The following SPATA17 variants were observed in gnomAD, a reference collection of about 807,000 sequenced individuals.
The protein encoded by SPATA17 is spermatogenesis associated 17.
In SPATA17, 53 loss-of-function variants were observed where a neutral mutation model predicts 62.2. The ratio of observed to expected loss-of-function variants is 0.85; its 90% CI spans 0.68 to 1.07. The LOEUF is 1.07. Ranked by LOEUF, SPATA17 falls within the 50% of genes least tolerant of loss-of-function variation. SPATA17 has a pLI of 0.00. For missense variants in SPATA17, 466 were observed against 425.5 expected (o/e 1.10, Z -0.84); for synonymous variants, 146 against 146.8 (o/e 0.99, Z 0.04).
intron 6 of SPATA17, among the ~76,000 whole-genome samples, chr1:217,761,772 G>A (rs1270698511): frequency 6.6e-6 from 1 of 152,284 alleles, no homozygotes; most frequent in South Asian, 2.1e-4. Flanking sequence ...TGTAAAGAGA[G>A]AATTGTTTAG....
At chr1:217,788,048 G>A (rs934391862) in intron 8 of SPATA17, among the ~76,000 whole-genome samples, 3 of 152,048 alleles carry the variant, frequency 2.0e-5, no homozygotes, top group Non-Finnish European at 4.4e-5. Context: ...AGGCCATAAT[G>A]GTACCAGAGC....
intron 5 of SPATA17, among the ~76,000 whole-genome samples, chr1:217,703,402 C>G (rs1292846926): frequency 6.8e-6 from 1 of 147,980 alleles, no homozygotes; most frequent in Admixed American, 6.7e-5. Context: ...GAGCTCCTGA[C>G]CTCAGGTGAT....
chr1:217,636,395 ATTATTATTATTGAC>A (rs1669941322), intron 1 of SPATA17, among the ~76,000 whole-genome samples: 1 of 151,794 alleles, frequency 6.6e-6, no homozygotes, highest in African/African-American at 2.4e-5. Flanking sequence ...CAAAATTATT[ATTATTATTATTGAC>A]TTATTATTAT....
At chr1:217,814,159 T>C (rs1033193418) in intron 9 of SPATA17, among the ~76,000 whole-genome samples, 3 of 152,208 alleles carry the variant, frequency 2.0e-5, no homozygotes, top group Admixed American at 6.5e-5. Flanking sequence ...ATCATTAACC[T>C]AAGGGCACAA....
At chr1:217,836,610 G>C (rs1321773792) in intron 9 of SPATA17, among the ~76,000 whole-genome samples, 1 of 152,114 alleles carries the variant, frequency 6.6e-6, no homozygotes, top group Non-Finnish European at 1.5e-5. Flanking sequence ...TTATTTTCAT[G>C]CCACATGATT....
intron 8 of SPATA17, among the ~76,000 whole-genome samples, chr1:217,791,727 A>G (rs953786413): frequency 1.3e-5 from 2 of 152,236 alleles, no homozygotes; most frequent in Non-Finnish European, 2.9e-5. Flanking sequence ...TTTATGTGGT[A>G]GAGACATTCA....
At chr1:217,742,965 TA>T (rs1156453764) in intron 6 of SPATA17, among the ~76,000 whole-genome samples, 4 of 150,858 alleles carry the variant, frequency 2.7e-5, no homozygotes. Flanking sequence ...TATATATATA[TA>T]TATTAAATCC....
chr1:217,858,887 G>T (rs1474685165), intron 9 of SPATA17, among the ~76,000 whole-genome samples: 1 of 151,836 alleles, frequency 6.6e-6, no homozygotes, highest in African/African-American at 2.4e-5. Flanking sequence ...AATTAGCCAG[G>T]CGTGGTGATG....
rs184242168 is a variant in SPATA17 at position 217,815,229 on chromosome 1, T to C, written c.1005+13379T>C. On this transcript the variant is annotated intron_variant, in intron 9 of 10. Transcript: ENST00000366933. The stretch of plus-strand genomic sequence containing the variant: ...GACCCCAAATGACTGGAAATATGAA[T>C]AGGAAATATACATTATGCCTTAGAA... Among the ~76,000 whole-genome samples the C allele has an allele frequency of 6.5e-3, 990 of 152,242 alleles. 3 individuals carry two copies. Among genetic ancestry groups the C allele is most frequent in the Middle Eastern group, 0.017 (5 of 294 alleles).
At chr1:217,813,462 A>G (rs1488889906) in intron 9 of SPATA17, among the ~76,000 whole-genome samples, 1 of 152,340 alleles carries the variant, frequency 6.6e-6, no homozygotes, top group Middle Eastern at 3.4e-3. Context: ...CCAGCTTCAT[A>G]TAATTTTAAG....
intron 9 of SPATA17, among the ~76,000 whole-genome samples, chr1:217,806,556 CA>C (rs1411789336): frequency 6.6e-6 from 1 of 152,170 alleles, no homozygotes. Context: ...GCTTTCTCTG[CA>C]CTATTTACTT....
chr1:217,826,613 G>T (rs1675007386), intron 9 of SPATA17, among the ~76,000 whole-genome samples: 1 of 151,968 alleles, frequency 6.6e-6, no homozygotes, highest in Admixed American at 6.6e-5. Flanking sequence ...CATAGTGAGG[G>T]TTGGTATTTT....
chr1:217,725,844 A>G (rs1305389337), intron 5 of SPATA17, among the ~76,000 whole-genome samples: 1 of 152,170 alleles, frequency 6.6e-6, no homozygotes, highest in East Asian at 1.9e-4. Context: ...TCTTCTTGTA[A>G]AGGAATGTCT....
chr1:217,762,759 G>T (rs769263968), intron 6 of SPATA17, among the ~76,000 whole-genome samples: 1 of 152,198 alleles, frequency 6.6e-6, no homozygotes, highest in African/African-American at 2.4e-5. Flanking sequence ...ATCACCTGAG[G>T]TCAGGAGTTT....
intron 5 of SPATA17, among the ~76,000 whole-genome samples, chr1:217,698,540 C>A (rs539245126): frequency 6.6e-6 from 1 of 150,994 alleles, no homozygotes; most frequent in Non-Finnish European, 1.5e-5. Context: ...AAAAAGTTAG[C>A]CTTTGCCTTT....
At chr1:217,660,985 C>CT (rs1279019061) in intron 3 of SPATA17, among the ~76,000 whole-genome samples, 7 of 152,044 alleles carry the variant, frequency 4.6e-5, no homozygotes, top group African/African-American at 1.7e-4. Flanking sequence ...GTGGTGGTAT[C>CT]TTGTAAGGCG....
rs142304611 is a variant in SPATA17 at position 217,651,440 on chromosome 1, C to G, written c.240+262C>G. Among the ~76,000 whole-genome samples, 1,075 of 152,276 alleles carry G rather than the reference C, an allele frequency of 7.1e-3. 11 individuals are homozygous for G. Among genetic ancestry groups the G allele is most frequent in the African/African-American group, 0.025 (1,022 of 41,562 alleles). ...GTACTTTTCACAGTATGCATTTATA[C>G]TTATTTATTGATGGTTATCTGTACT... is the stretch of plus-strand genomic sequence containing the variant. On this transcript the variant is annotated intron_variant, in intron 3 of 10. Transcript: ENST00000366933.
At chr1:217,693,878 C>T (rs796905143) in intron 5 of SPATA17, among the ~76,000 whole-genome samples, 4 of 134 alleles carry the variant, frequency 0.03, no homozygotes, top group East Asian at 0.25. Flanking sequence ...AATTTCTGTT[C>T]TTTTACATTT....
rs182009598 is a variant in SPATA17, at chr1:217,738,817, T to C, written c.396-3158T>C. ...AAATACAAAAATTAGCTGGGCGTGG[T>C]GGCATGTGCCTATAATCCCAGCTAC... On this transcript the variant is annotated intron_variant, in intron 5 of 10. Transcript: ENST00000366933. 3.3e-5 allele frequency among the ~76,000 whole-genome samples: 5 copies of C among 152,324 alleles called. 1 individual carries two copies. The highest frequency in any genetic ancestry group is 3.3e-4 in the Admixed American group (5 of 15,292).
Sources: gnomAD v4.1 joint callset for allele counts (sites outside exome capture counted in the v4.1 genomes callset) on GRCh38, gnomAD v4.1.1 for gene constraint, MANE v1.5 for transcripts, NCBI Gene and HGNC (gene_info 2026-07-23, HGNC 2026-07-21) for gene names.